Variants in PIGN observed in about 807,000 individuals in gnomAD.
The protein encoded by PIGN is GPI ethanolamine phosphate transferase 1.
PIGN carries 117 observed loss-of-function variants against 125.4 expected under a neutral mutation model. That is an observed-to-expected ratio of 0.93 (90% CI 0.80 to 1.09). PIGN has a LOEUF of 1.09. PIGN is among the 50% of genes least tolerant of loss of function. The probability of loss-of-function intolerance (pLI) is 0.00; values close to 1 mark genes in which losing one functional copy is unlikely to be tolerated. For missense variants in PIGN, 1,075 were observed against 1,094.9 expected (o/e 0.98, Z 0.26); for synonymous variants, 392 against 377.8 (o/e 1.04, Z -0.44).
rs546465281 is a variant in PIGN, at chr18:62,145,942, A to T, written c.889T>A (p.Ser297Thr). Reference protein sequence around the residue: ...GAGIKYPQRVSAQQFDDAFLK... With the variant: ...GAGIKYPQRVTAQQFDDAFLK... The stretch of plus-strand genomic sequence containing the variant: ...AATGCATCATCAAATTGCTGAGCTG[A>T]TACTCTTTGGGGATACTTGATTCCA... The change falls in exon 10 of 31, where the codon TCA (serine) becomes ACA (threonine). Residue 297 changes from serine to threonine, a missense_variant. By Grantham distance (58) the Ser-to-Thr change is moderately conservative. Transcript: ENST00000640252. The T allele has an allele frequency of 1.2e-6, 2 of 1,604,448 alleles. No homozygotes were observed. The highest frequency in any genetic ancestry group is 2.7e-5 in the African/African-American group (2 of 74,866).
intron 14 of PIGN, among the ~76,000 whole-genome samples, chr18:62,119,175 A>G (rs1276574571): frequency 6.6e-6 from 1 of 152,206 alleles, no homozygotes; most frequent in Non-Finnish European, 1.5e-5. Context: ...CCATCAGAGG[A>G]CAAGGCAAAA....
intron 9 of PIGN, 43 bp from the exon 10 acceptor site, chr18:62,146,068 A>G (rs763021111): frequency 2.4e-6 from 2 of 818,904 alleles, no homozygotes; most frequent in South Asian, 4.2e-5. Context: ...ATATAGAAGA[A>G]CTAACTTACA....
At position 62,167,642 on chromosome 18, in the gene PIGN, AAC is replaced by A. The variant is rs1428939450; in HGVS notation, c.-235-3988_-235-3987del. On this transcript the variant is annotated intron_variant, in intron 1 of 30. Transcript: ENST00000640252. ...GTGAAACTCCGTCTCAAAAAAAAAA[AAC>A]AAAAAAAAAACAAAGTTATATGTCT... Among the ~76,000 whole-genome samples, 4 of 82,192 alleles carry A rather than the reference AAC, an allele frequency of 4.9e-5. No individual in the cohort carries two copies. In the South Asian group the frequency reaches 1.2e-3, roughly 24 times the overall value. The allele number at this position is 82,192 out of a possible 152,430, so 53.9% of individuals were successfully genotyped here. A position where few individuals can be genotyped will look rare whatever the true frequency, so the allele number is the denominator to read the frequency against.
chr18:62,167,636 A>T (rs2037194948), intron 1 of PIGN, among the ~76,000 whole-genome samples: 1 of 91,708 alleles, frequency 1.1e-5, no homozygotes, highest in Non-Finnish European at 2.5e-5. Context: ...CGTCTCAAAA[A>T]AAAAAAACAA....
intron 30 of PIGN, among the ~76,000 whole-genome samples, chr18:62,049,104 G>A (rs988318092): frequency 2.0e-5 from 3 of 151,128 alleles, no homozygotes; most frequent in African/African-American, 7.3e-5. Flanking sequence ...GTCTATCATT[G>A]TTGGACATTT....
intron 6 of PIGN, among the ~76,000 whole-genome samples, chr18:62,155,710 G>C (rs1184672004): frequency 6.6e-6 from 1 of 151,900 alleles, no homozygotes; most frequent in African/African-American, 2.4e-5. Flanking sequence ...TGGGTTTGCT[G>C]TTTACTACAA....
At chr18:62,156,993 C>A (rs1346425288) in intron 6 of PIGN, 136 bp downstream of exon 6, 1 of 517,484 alleles carries the variant, frequency 1.9e-6, no homozygotes, top group Non-Finnish European at 3.4e-6. Flanking sequence ...AATTAAACAT[C>A]CCTATTTCAG....
At position 62,140,440 on chromosome 18, in the gene PIGN, G is replaced by T; in HGVS notation, c.1003C>A (p.Pro335Thr). 1 of 1,542,164 alleles carries T rather than the reference G, an allele frequency of 6.5e-7. No individual in the cohort carries two copies. The highest frequency in any genetic ancestry group is 2.3e-5 in the East Asian group (1 of 43,672). The change falls in exon 12 of 31, where the codon CCC becomes ACC. Residue 335 changes from proline (P) to threonine (T), a missense_variant. Pro to Thr is a conservative substitution (Grantham distance 38, BLOSUM62 -1). This residue lies in a region of PIGN where 915 missense variants were observed against 908.7 expected (regional missense o/e 1.01). Transcript: ENST00000640252. ...APLMTSLIGV[P>T]FPLNSVGILP... ...CTTACCACTGAGTTAAGAGGAAAGG[G>T]AACTCCAATAAGGGAAGTCATCAAT... is the stretch of plus-strand genomic sequence containing the variant.
intron 4 of PIGN, among the ~76,000 whole-genome samples, chr18:62,158,861 A>G (rs965800752): frequency 6.6e-5 from 10 of 152,254 alleles, no homozygotes; most frequent in African/African-American, 2.2e-4. Context: ...CTGGACTTAA[A>G]CAGAAAGGGG....
intron 23 of PIGN, 139 bp downstream of exon 23, chr18:62,095,709 G>A (rs1220888570): frequency 3.4e-6 from 2 of 585,356 alleles, no homozygotes; most frequent in Admixed American, 5.9e-5. Flanking sequence ...AGTTCTCATA[G>A]AGAAGAAAAT....
chr18:62,072,847 T>G, intron 29 of PIGN, 122 bp from the exon 30 acceptor site: 1 of 624,308 alleles, frequency 1.6e-6, no homozygotes, highest in South Asian at 2.7e-5. Context: ...CTGACTGTAA[T>G]CAACAAGAAT....
intron 22 of PIGN, among the ~76,000 whole-genome samples, 188 bp downstream of exon 22, chr18:62,100,887 A>G (rs558950301): frequency 1.2e-4 from 18 of 152,324 alleles, no homozygotes; most frequent in African/African-American, 4.3e-4. Flanking sequence ...TTATCTTGTT[A>G]ACACATGCAT....
intron 23 of PIGN, among the ~76,000 whole-genome samples, chr18:62,018,809 C>G (rs1038300884): frequency 1.3e-5 from 2 of 152,080 alleles, no homozygotes; most frequent in Admixed American, 1.3e-4. Flanking sequence ...TGCCTTGAAG[C>G]CAGAAAGGAG....
intron 21 of PIGN, among the ~76,000 whole-genome samples, chr18:62,102,469 G>A (rs569371070): frequency 6.7e-6 from 1 of 149,186 alleles, no homozygotes; most frequent in South Asian, 2.2e-4. Flanking sequence ...TCACTTCAAG[G>A]AAGTGACCTT....
intron 1 of PIGN, among the ~76,000 whole-genome samples, chr18:62,164,973 C>T (rs760539701): frequency 2.0e-5 from 3 of 152,106 alleles, no homozygotes; most frequent in Non-Finnish European, 4.4e-5. Flanking sequence ...ATGGTTTGTG[C>T]TTTTCCCCAC....
intron 16 of PIGN, among the ~76,000 whole-genome samples, chr18:62,111,397 A>G (rs1250306511): frequency 6.6e-6 from 1 of 152,118 alleles, no homozygotes; most frequent in Non-Finnish European, 1.5e-5. Context: ...ACCTCTCCCT[A>G]GATTCTGACT....
intron 14 of PIGN, among the ~76,000 whole-genome samples, chr18:62,134,676 G>T (rs2035861653): frequency 6.6e-6 from 1 of 152,092 alleles, no homozygotes; most frequent in Non-Finnish European, 1.5e-5. Flanking sequence ...TTTAAATACT[G>T]TCCACTGAAA....
Position 62,109,845 on chromosome 18 carries a change from C to G in PIGN, c.1563G>C (p.Ala521=), listed in dbSNP as rs759731939. The change falls in exon 17 of 31, where the codon GCG becomes GCC. Residue 521 remains alanine (A), a synonymous_variant. Coordinates refer to ENST00000640252, the MANE Select transcript of PIGN (RefSeq NM_176787.5). ...GATGCATTACTTACTCTCTTAGAAC[C>G]GCATACCATATTGGCAGTGGCAACA... is the stretch of plus-strand genomic sequence containing the variant. ...YGLLPLPIWY[A]VLREFQVIQD... 1 of 1,610,034 alleles carries G rather than the reference C, an allele frequency of 6.2e-7. No individual in the cohort carries two copies.
intron 13 of PIGN, among the ~76,000 whole-genome samples, chr18:62,138,660 T>C (rs2036023011): frequency 6.6e-6 from 1 of 152,186 alleles, no homozygotes; most frequent in South Asian, 2.1e-4. Context: ...ATAACATACA[T>C]GGAATGACAA....
Sources: allele counts gnomAD v4.1 joint callset (sites outside exome capture counted in the v4.1 genomes callset), GRCh38; gene constraint gnomAD v4.1.1; regional missense constraint gnomAD v4.1.1; transcripts MANE v1.5; gene names NCBI Gene and HGNC (gene_info 2026-07-23, HGNC 2026-07-21).